MTHFD1: variants seen among roughly 807,000 people sequenced by gnomAD.
MTHFD1 encodes C-1-tetrahydrofolate synthase, cytoplasmic.
Under a neutral mutation model 110.3 loss-of-function variants are expected in MTHFD1, and 44 were observed. That is an observed-to-expected ratio of 0.40 (90% confidence interval 0.31 to 0.51). The LOEUF (loss-of-function observed/expected upper bound fraction) is 0.51, where lower values mean the gene tolerates loss of function less well. Among genes scored for constraint, MTHFD1 ranks in the 20% least tolerant of loss-of-function variants. MTHFD1 has a pLI of 0.60. For missense variants in MTHFD1, 909 were observed against 1,173.1 expected (o/e 0.77, Z 3.29); for synonymous variants, 402 against 428.8 (o/e 0.94, Z 0.77).
chr14:64,441,686 G>A (rs2078250387), intron 19 of MTHFD1: 1 of 562,388 alleles, frequency 1.8e-6, no homozygotes, highest in African/African-American at 1.9e-5. Flanking sequence ...GGCGCCTGTA[G>A]TCCCAGCTGC....
At chr14:64,393,981 G>A (rs1355385837) in intron 1 of MTHFD1, among the ~76,000 whole-genome samples, 3 of 152,002 alleles carry the variant, frequency 2.0e-5, no homozygotes, top group Admixed American at 6.6e-5. Context: ...ACTTCCTGAC[G>A]TTGCCCCAAG....
chr14:64,408,794 C>T (rs2077959204), intron 2 of MTHFD1, among the ~76,000 whole-genome samples: 1 of 151,964 alleles, frequency 6.6e-6, no homozygotes, highest in Non-Finnish European at 1.5e-5. Flanking sequence ...ACAAAAAATA[C>T]AAAAATTGGC....
chr14:64,435,042 T>G (rs565870592), intron 15 of MTHFD1, among the ~76,000 whole-genome samples: 2 of 139,452 alleles, frequency 1.4e-5, no homozygotes, highest in African/African-American at 2.7e-5. Context: ...CTCTACCTCC[T>G]GGGTTCAAGC....
chr14:64,443,858 G>C (rs2078267551), intron 21 of MTHFD1, among the ~76,000 whole-genome samples: 1 of 152,148 alleles, frequency 6.6e-6, no homozygotes, highest in South Asian at 2.1e-4. Context: ...ATATGGCTCT[G>C]TCAAGAGAGT....
chr14:64,432,682 A>G (rs2078169273), intron 15 of MTHFD1, among the ~76,000 whole-genome samples: 1 of 152,220 alleles, frequency 6.6e-6, no homozygotes, highest in Non-Finnish European at 1.5e-5. Context: ...GGAACAGATC[A>G]ATAGATGTTA....
chr14:64,401,888 T>G lies in MTHFD1; in HGVS notation c.126+1011T>G, dbSNP rs550283837. Reference sequence around the variant, plus strand: ...TGTGCACACCTCTTTCCTGTATGGCTTAGTAGAAGAGAGCTGGAGTCCTAT... The same window carrying G: ...TGTGCACACCTCTTTCCTGTATGGCGTAGTAGAAGAGAGCTGGAGTCCTAT... On this transcript the variant is annotated intron_variant, in intron 2 of 27. Coordinates refer to ENST00000652337, the MANE Select transcript of MTHFD1 (RefSeq NM_005956.4). Among the ~76,000 whole-genome samples, 6 of 152,320 alleles carry G rather than the reference T, an allele frequency of 3.9e-5. No individual in the cohort carries two copies. The East Asian group carries it at 1.2e-3, about 29-fold the overall frequency.
At chr14:64,412,073 T>A (rs1334569280) in intron 3 of MTHFD1, among the ~76,000 whole-genome samples, 1 of 152,160 alleles carries the variant, frequency 6.6e-6, no homozygotes, top group Non-Finnish European at 1.5e-5. Flanking sequence ...AGAAACATCA[T>A]AAAGATGTTG....
intron 1 of MTHFD1, among the ~76,000 whole-genome samples, chr14:64,391,071 A>C (rs1402536059): frequency 6.6e-6 from 1 of 152,244 alleles, no homozygotes; most frequent in East Asian, 1.9e-4. Flanking sequence ...ACTAAAACTA[A>C]GGTCTTCACC....
chr14:64,447,991 G>A, intron 22 of MTHFD1: 1 of 568,214 alleles, frequency 1.8e-6, no homozygotes, highest in Non-Finnish European at 3.1e-6. Context: ...GAAACAAGCA[G>A]AGCTCTACTC....
Position 64,421,915 on chromosome 14 carries a change from G to A in MTHFD1, c.727+1990G>A, listed in dbSNP as rs537816589. On this transcript the variant is annotated intron_variant, in intron 8 of 27. Transcript: ENST00000652337. Reference sequence around the variant, plus strand: ...GCTGGGATTACAGGCGTGAGCCACCGCACCCAGCAAGCTCAGTCTTTTTAA... The same window carrying A: ...GCTGGGATTACAGGCGTGAGCCACCACACCCAGCAAGCTCAGTCTTTTTAA... 3.1e-3 allele frequency among the ~76,000 whole-genome samples: 474 copies of A among 152,130 alleles called. 3 individuals are homozygous for A. The highest frequency in any genetic ancestry group is 5.3e-3 in the Non-Finnish European group (359 of 68,008).
chr14:64,456,345 C>T (rs541106048), intron 26 of MTHFD1, among the ~76,000 whole-genome samples: 6 of 152,314 alleles, frequency 3.9e-5, no homozygotes, highest in East Asian at 1.9e-4. Context: ...GGGGCCTTAA[C>T]GAGACTCAGA....
chr14:64,441,514 T>G, intron 19 of MTHFD1, 61 bp downstream of exon 19: 2 of 1,533,694 alleles, frequency 1.3e-6, no homozygotes, highest in Non-Finnish European at 1.8e-6. Context: ...AGAGTGGTTA[T>G]AAAGCACACT....
chr14:64,431,724 G>A (rs2078161951), intron 14 of MTHFD1, 63 bp from the exon 15 acceptor site: 1 of 1,593,554 alleles, frequency 6.3e-7, no homozygotes, highest in African/African-American at 1.3e-5. Context: ...CTTGGGTGCT[G>A]AGGATGCAGG....
At chr14:64,457,625 T>C (rs965114797) in intron 26 of MTHFD1, among the ~76,000 whole-genome samples, 3 of 151,912 alleles carry the variant, frequency 2.0e-5, no homozygotes, top group Non-Finnish European at 4.4e-5. Context: ...CCAGCTAATT[T>C]TTGTATTTTT....
intron 14 of MTHFD1, 69 bp downstream of exon 14, chr14:64,431,708 T>C: frequency 6.3e-7 from 1 of 1,593,892 alleles, no homozygotes; most frequent in Non-Finnish European, 8.6e-7. Context: ...GAATTAGTGT[T>C]GGTGTCTTGG....
At chr14:64,420,182 AG>A (rs781510099) in intron 8 of MTHFD1, among the ~76,000 whole-genome samples, 14 of 152,158 alleles carry the variant, frequency 9.2e-5, no homozygotes, top group Non-Finnish European at 2.1e-4. Flanking sequence ...GGAGAAAGTG[AG>A]AGGGAGGGCA....
chr14:64,452,720 A>G (rs1412602154), intron 24 of MTHFD1, among the ~76,000 whole-genome samples: 1 of 152,182 alleles, frequency 6.6e-6, no homozygotes, highest in Non-Finnish European at 1.5e-5. Flanking sequence ...CTTGCACTTA[A>G]TCAATTGTGT....
rs765933007 is a variant in MTHFD1 at position 64,444,772 on chromosome 14, C to T, written c.2178+38C>T. 1.9e-6 allele frequency: 3 copies of T among 1,605,564 alleles called. No homozygotes were observed. The South Asian group carries it at 3.3e-5, about 18-fold the overall frequency. On this transcript the variant is annotated intron_variant, in intron 22 of 27. Transcript: ENST00000652337. ...ATTTCTCATCACGTGTCCTAGAAAG[C>T]ACCACACCTTGAATCAGCATTTCTC...
chr14:64,392,067 T>A (rs2077810468), intron 1 of MTHFD1, among the ~76,000 whole-genome samples: 1 of 152,196 alleles, frequency 6.6e-6, no homozygotes, highest in African/African-American at 2.4e-5. Context: ...ATAGTCTTTG[T>A]AAAAGTGACT....
Sources: gnomAD v4.1 joint callset for allele counts (sites outside exome capture counted in the v4.1 genomes callset) on GRCh38, gnomAD v4.1.1 for gene constraint, MANE v1.5 for transcripts, NCBI Gene and HGNC (gene_info 2026-07-23, HGNC 2026-07-21) for gene names.